Variants in MTERF4 observed in about 807,000 individuals in gnomAD.
The protein encoded by MTERF4 is mitochondrial transcription termination factor 4, also known as transcription termination factor 4, mitochondrial.
In MTERF4, 17 loss-of-function variants were observed where a neutral mutation model predicts 22.5. The ratio of observed to expected loss-of-function variants is 0.75; its 90% CI spans 0.52 to 1.13. The LOEUF is 1.13. Among genes scored for constraint, MTERF4 ranks in the 50% most tolerant of loss-of-function variants. MTERF4 has a pLI of 0.00. For missense variants in MTERF4, 420 were observed against 466.8 expected (o/e 0.90, Z 0.92); for synonymous variants, 165 against 175.3 (o/e 0.94, Z 0.47).
chr2:241,096,447 C>T lies in MTERF4; in HGVS notation c.706-9G>A. On this transcript the variant is annotated splice_polypyrimidine_tract_variant and intron_variant, in intron 3 of 3. Transcript: ENST00000391980. The surrounding 1 kb of genome is among the most constrained non-coding windows in gnomAD (Gnocchi z 5.1). ...ATCCTGAAGTATGCATACTGGAAGA[C>T]ACAAACACACTTAGGAGTCCCAGAT... 6.2e-7 allele frequency: 1 copy of T among 1,613,352 alleles called. No homozygotes were observed. The highest frequency in any genetic ancestry group is 8.5e-7 in the Non-Finnish European group (1 of 1,179,608).
chr2:241,068,937 C>T (rs532131743), downstream of MTERF4: 504 of 1,554,438 alleles, frequency 3.2e-4, no homozygotes, highest in Non-Finnish European at 4.2e-4. This position sits in a 1 kb window ranked among gnomAD's most constrained non-coding sequence, Gnocchi z 5.3. Flanking sequence ...AAGAGGTACA[C>T]CATCCAGCTG....
At chr2:241,049,164 G>A in the MTERF4 span, 1 of 1,573,974 alleles carries the variant, frequency 6.4e-7, no homozygotes, top group African/African-American at 1.3e-5. Context: ...AGCCTGCTGG[G>A]CCGGGGGCCC....
At chr2:241,063,021 T>C in the MTERF4 span, 3 of 637,906 alleles carry the variant, frequency 4.7e-6, no homozygotes, top group Non-Finnish European at 8.1e-6. Context: ...CACTGCATGC[T>C]TTCTCGGGCC....
chr2:241,069,866 G>C, downstream of MTERF4: 1 of 1,576,382 alleles, frequency 6.3e-7, no homozygotes, highest in East Asian at 2.2e-5. This position sits in a 1 kb window ranked among gnomAD's most constrained non-coding sequence, Gnocchi z 4.9. Flanking sequence ...CCGTGTTCTT[G>C]CCAGAAGACC....
chr2:241,067,515 T>TCA (rs373750150), downstream of MTERF4, among the ~76,000 whole-genome samples: 5 of 152,188 alleles, frequency 3.3e-5, no homozygotes, highest in African/African-American at 9.6e-5. Flanking sequence ...CTGCCTCTGG[T>TCA]AAGACGGGCT....
the MTERF4 span, chr2:241,049,027 A>T: frequency 6.2e-7 from 1 of 1,611,662 alleles, no homozygotes; most frequent in Admixed American, 1.7e-5. Context: ...TCTAGAAATC[A>T]CAGCCATGCC....
the MTERF4 span, among the ~76,000 whole-genome samples, chr2:241,046,760 A>G: frequency 1.3e-5 from 2 of 152,212 alleles, no homozygotes; most frequent in African/African-American, 4.8e-5. Context: ...GTTAAAATTC[A>G]TAGAGGTGTG....
downstream of MTERF4, chr2:241,082,139 G>A (rs2302046): frequency 3.9e-4 from 250 of 644,184 alleles, no homozygotes; most frequent in East Asian, 6.4e-3. Context: ...GCAGACCCCC[G>A]GGCCCTCTCC....
intron 2 of MTERF4, among the ~76,000 whole-genome samples, chr2:241,098,463 G>A (rs1023579335): frequency 3.3e-5 from 5 of 152,170 alleles, no homozygotes; most frequent in Non-Finnish European, 7.3e-5. Context: ...GTCAAAGTGG[G>A]TAAGGGTCCT....
intron 4 of MTERF4, among the ~76,000 whole-genome samples, chr2:241,079,523 G>GA (rs2063224222): frequency 6.6e-6 from 1 of 152,006 alleles, no homozygotes; most frequent in African/African-American, 2.4e-5. Context: ...ATAAAGAAAT[G>GA]AAACTAATAA....
Position 241,095,602 on chromosome 2 carries a change from G to A in MTERF4, c.*396C>T. On this transcript the variant is annotated 3_prime_UTR_variant, in exon 4 of 4. Transcript: ENST00000391980. ...TCTCGTAATTTTATTTTTATCACAA[G>A]AAGGAAATACATAGTGATTCCTGAA... is the stretch of plus-strand genomic sequence containing the variant. The A allele has an allele frequency of 5.3e-6, 1 of 188,960 alleles. No homozygotes were observed. The highest frequency in any genetic ancestry group is 1.4e-4 in the South Asian group (1 of 7,034). The allele number at this position is 188,960 out of a possible 1,614,324, so 11.7% of individuals were successfully genotyped here.
chr2:241,078,497 G>A (rs2125285730), intron 4 of MTERF4, among the ~76,000 whole-genome samples: 1 of 151,900 alleles, frequency 6.6e-6, no homozygotes, highest in African/African-American at 2.4e-5. Context: ...GCTACAACAT[G>A]GATGAATCTT....
the MTERF4 span, among the ~76,000 whole-genome samples, chr2:241,054,680 G>A: frequency 0.018 from 2,718 of 152,326 alleles, 213 homozygotes; most frequent in Admixed American, 0.12. Context: ...AAAACAGTGG[G>A]AATAAGCAGA....
the MTERF4 span, among the ~76,000 whole-genome samples, chr2:241,046,807 A>G: frequency 1.3e-5 from 2 of 152,202 alleles, no homozygotes; most frequent in South Asian, 2.1e-4. Context: ...ACTGATTTAC[A>G]AAGACACATT....
chr2:241,096,715 T>A lies in MTERF4; in HGVS notation c.706-277A>T. 1 of 632,426 alleles carries A rather than the reference T, an allele frequency of 1.6e-6. No individual in the cohort carries two copies. The highest frequency in any genetic ancestry group is 3.0e-6 in the Non-Finnish European group (1 of 335,618). 39.2% of individuals were successfully genotyped at this position (632,426 alleles called of 1,614,324 possible). On this transcript the variant is annotated intron_variant, in intron 3 of 3. Coordinates refer to ENST00000391980, the MANE Select transcript of MTERF4 (RefSeq NM_182501.4). This position sits in a 1 kb window ranked among gnomAD's most constrained non-coding sequence, Gnocchi z 5.1. Reference sequence around the variant, plus strand: ...GCAGAAGGAAGAGGTGGTATTTTTCTTTAAATGGGGAAGGAAAAGGATGAA... The same window carrying A: ...GCAGAAGGAAGAGGTGGTATTTTTCATTAAATGGGGAAGGAAAAGGATGAA...
Position 241,078,390 on chromosome 2 carries a change from A to G in MTERF4, n.480-2708T>C, listed in dbSNP as rs1048092779. Among the ~76,000 whole-genome samples the G allele has an allele frequency of 2.0e-5, 3 of 151,544 alleles. No homozygotes were observed. In the South Asian group the frequency reaches 6.2e-4, roughly 31 times the overall value. ...AGAACTAGACTCCGTCTCAAAAAAAAAAAAAAAAGAAAGAAAGAAAAGAAA... is the reference window on the plus strand; with the variant it reads ...AGAACTAGACTCCGTCTCAAAAAAAGAAAAAAAAGAAAGAAAGAAAAGAAA... On this transcript the variant is annotated intron_variant and non_coding_transcript_variant, in intron 4 of 4. Transcript: ENST00000464344.
the MTERF4 span, among the ~76,000 whole-genome samples, chr2:241,058,125 A>T: frequency 6.6e-6 from 1 of 152,358 alleles, no homozygotes; most frequent in East Asian, 1.9e-4. Context: ...TATACAAATC[A>T]AAGCTGGCGT....
At chr2:241,048,341 C>T in the MTERF4 span, 2 of 1,610,248 alleles carry the variant, frequency 1.2e-6, no homozygotes, top group Admixed American at 1.7e-5. Flanking sequence ...AGACGCCTGC[C>T]TCTCGGCCCC....
downstream of MTERF4, chr2:241,095,060 G>GCCCCC (rs10573691): frequency 4.4e-5 from 4 of 90,384 alleles, no homozygotes; most frequent in South Asian, 4.9e-4. Flanking sequence ...AAGGTGACAC[G>GCCCCC]CCCCCCCCCC....
Sources: allele counts gnomAD v4.1 joint callset (sites outside exome capture counted in the v4.1 genomes callset), GRCh38; gene constraint gnomAD v4.1.1; non-coding constraint Gnocchi (gnomAD v3.1); transcripts MANE v1.5; gene names NCBI Gene and HGNC (gene_info 2026-07-23, HGNC 2026-07-21).